Variants in CCNL2 observed in about 807,000 individuals in gnomAD.
CCNL2 encodes cyclin-L2.
CCNL2 carries 28 observed loss-of-function variants against 59.1 expected under a neutral mutation model. That is an observed-to-expected ratio of 0.47 (90% CI 0.35 to 0.65). CCNL2 has a LOEUF of 0.65. CCNL2 is among the 30% of genes least tolerant of loss of function. CCNL2 has a pLI of 0.00. For missense variants in CCNL2, 714 were observed against 717.4 expected (o/e 1.00, Z 0.05); for synonymous variants, 342 against 288.6 (o/e 1.19, Z -1.88).
At chr1:1,395,881 T>C (rs1198824664) in intron 3 of CCNL2, among the ~76,000 whole-genome samples, 1 of 152,020 alleles carries the variant, frequency 6.6e-6, no homozygotes, top group Non-Finnish European at 1.5e-5. Flanking sequence ...AAAGCACAAT[T>C]ATTTAAATAC....
Position 1,399,139 on chromosome 1 carries a change from G to C in CCNL2, c.168C>G (p.Asp56Glu), listed in dbSNP as rs114112990. ...LITLENCLLP[D>E]DKLRFTPSMS... ...TGGACGGCGTGAAACGGAGCTTGTCGTCAGGCAGGAGGCAGTTCTCCAAGG... is the reference window on the plus strand; with the variant it reads ...TGGACGGCGTGAAACGGAGCTTGTCCTCAGGCAGGAGGCAGTTCTCCAAGG... Residue 56 changes from aspartate (D) to glutamate (E), a missense_variant, in exon 1 of 11, where the codon GAC becomes GAG. Coordinates refer to ENST00000400809, the MANE Select transcript of CCNL2 (RefSeq NM_030937.6). 23,440 of 1,612,334 alleles carry C rather than the reference G, an allele frequency of 0.015. 221 individuals carry two copies. Among genetic ancestry groups the C allele is most frequent in the Non-Finnish European group, 0.016 (18,923 of 1,179,542 alleles).
rs1449466058 is a variant in CCNL2 at position 1,399,241 on chromosome 1, G to C, written c.66C>G (p.Ala22=). 2 of 1,590,336 alleles carry C rather than the reference G, an allele frequency of 1.3e-6. No individual in the cohort carries two copies. Among genetic ancestry groups the C allele is most frequent in the Admixed American group, 3.4e-5 (2 of 58,222 alleles). ...CTGAGGGTGCGCCCCCAGATCCCGG[G>C]GCGCCGGCCGCTGCCGCGGGAGCTG... ...GSAAPAAAAG[A]PGSGGAPSGS... The change falls in exon 1 of 11, where the codon GCC becomes GCG. Residue 22 remains alanine (A), a synonymous_variant. Coordinates refer to ENST00000400809, the MANE Select transcript of CCNL2 (RefSeq NM_030937.6).
chr1:1,392,641 C>A lies in CCNL2; in HGVS notation c.659+755G>T, dbSNP rs369862332. The stretch of plus-strand genomic sequence containing the variant: ...ACAAGAAGCACAATCGTCAGAGAAC[C>A]ACAGCAGGAGTCGGCCATGGCTATG... On this transcript the variant is annotated intron_variant, in intron 5 of 10. Coordinates refer to ENST00000400809, the MANE Select transcript of CCNL2 (RefSeq NM_030937.6). 5 of 1,475,402 alleles carry A rather than the reference C, an allele frequency of 3.4e-6. No individual in the cohort carries two copies. The South Asian group carries it at 4.1e-5, about 12-fold the overall frequency. 91.4% of individuals were successfully genotyped at this position (1,475,402 alleles called of 1,614,324 possible).
chr1:1,397,926 G>A (rs1034672233), intron 3 of CCNL2, among the ~76,000 whole-genome samples: 8 of 152,300 alleles, frequency 5.3e-5, no homozygotes, highest in South Asian at 2.1e-4. Context: ...CCCTGCTCCA[G>A]AGCACTCAGA....
At chr1:1,388,147 C>G (rs1644561195) in intron 8 of CCNL2, 82 bp from the exon 9 acceptor site, 1 of 1,119,504 alleles carries the variant, frequency 8.9e-7, no homozygotes. Context: ...AGATAAGGCC[C>G]CTCTACAGGT....
chr1:1,398,677 G>A lies in CCNL2; in HGVS notation c.289-6C>T, dbSNP rs1570033009. 6 of 1,458,906 alleles carry A rather than the reference G, an allele frequency of 4.1e-6. No homozygotes were observed. The highest frequency in any genetic ancestry group is 5.5e-6 in the Non-Finnish European group (6 of 1,083,942). 90.4% of individuals were successfully genotyped at this position (1,458,906 alleles called of 1,614,324 possible). A position where few individuals can be genotyped will look rare whatever the true frequency, so the allele number is the denominator to read the frequency against. On this transcript the variant is annotated splice_region_variant and splice_polypyrimidine_tract_variant and intron_variant, in intron 1 of 10. Transcript: ENST00000400809. Reference sequence around the variant, plus strand: ...TGCCCGGTAGCCATGGCCACCTAGAGTAGAAGAAAGTTTCCGTATTTTCAA... The same window carrying A: ...TGCCCGGTAGCCATGGCCACCTAGAATAGAAGAAAGTTTCCGTATTTTCAA...
chr1:1,398,683 G>GA lies in CCNL2; in HGVS notation c.289-13dup. 6.2e-7 allele frequency: 1 copy of GA among 1,609,300 alleles called. No individual in the cohort carries two copies. The highest frequency in any genetic ancestry group is 8.5e-7 in the Non-Finnish European group (1 of 1,176,058). On this transcript the variant is annotated splice_polypyrimidine_tract_variant and intron_variant, in intron 1 of 10. Coordinates refer to ENST00000400809, the MANE Select transcript of CCNL2 (RefSeq NM_030937.6). The stretch of plus-strand genomic sequence containing the variant: ...GTAGCCATGGCCACCTAGAGTAGAA[G>GA]AAAGTTTCCGTATTTTCAAACGCAC...
At position 1,386,948 on chromosome 1, in the gene CCNL2, T is replaced by G; in HGVS notation, c.*283A>C. On this transcript the variant is annotated 3_prime_UTR_variant, in exon 11 of 11. Coordinates refer to ENST00000400809, the MANE Select transcript of CCNL2 (RefSeq NM_030937.6). ...CAACAAGGGCGTGTGCATTCACTTT[T>G]TCATTGAGCTGCCCTCAGAGCTGCT... is the stretch of plus-strand genomic sequence containing the variant. 2.7e-6 allele frequency: 1 copy of G among 376,986 alleles called. No individual in the cohort carries two copies. The highest frequency in any genetic ancestry group is 4.8e-6 in the Non-Finnish European group (1 of 209,918). 23.4% of individuals were successfully genotyped at this position (376,986 alleles called of 1,614,324 possible). A position where few individuals can be genotyped will look rare whatever the true frequency, so the allele number is the denominator to read the frequency against.
chr1:1,397,396 G>A (rs978997778), intron 3 of CCNL2, among the ~76,000 whole-genome samples: 3 of 152,186 alleles, frequency 2.0e-5, no homozygotes, highest in East Asian at 3.8e-4. Flanking sequence ...CTGGCCTCAA[G>A]CAAACCTCCT....
intron 4 of CCNL2, 57 bp downstream of exon 4, chr1:1,395,337 C>T (rs541685054): frequency 2.7e-4 from 431 of 1,593,674 alleles, no homozygotes; most frequent in Non-Finnish European, 3.5e-4. Context: ...TGGAGAGAGG[C>T]GGCCAGGCAG....
chr1:1,393,429 C>A lies in CCNL2; in HGVS notation c.626G>T (p.Cys209Phe). The change falls in exon 5 of 11, where the codon TGT becomes TTT. Residue 209 changes from cysteine to phenylalanine, a missense_variant. Cys to Phe is a radical substitution (Grantham distance 205). Around this residue, in one of 5 missense-constraint regions of CCNL2, gnomAD observed 19 missense variants for 20.1 expected, o/e 0.94. Coordinates refer to ENST00000400809, the MANE Select transcript of CCNL2 (RefSeq NM_030937.6). ...CTGGACCAGGTGTTGGTTACGCTCA[C>A]ACTCTAACACCTGAAGGTACATAAC... The part of the protein sequence containing the change: ...IIVMYLQVLE[C>F]ERNQHLVQTS... 1 of 1,614,174 alleles carries A rather than the reference C, an allele frequency of 6.2e-7. No homozygotes were observed. The highest frequency in any genetic ancestry group is 8.5e-7 in the Non-Finnish European group (1 of 1,180,004).
At chr1:1,394,115 A>C (rs1027978522) in intron 4 of CCNL2, among the ~76,000 whole-genome samples, 2 of 149,974 alleles carry the variant, frequency 1.3e-5, no homozygotes, top group African/African-American at 4.9e-5. Flanking sequence ...ACAGAGCGAG[A>C]TTCCGTCTCC....
chr1:1,398,827 C>T, intron 1 of CCNL2, 156 bp from the exon 2 acceptor site: 1 of 1,283,970 alleles, frequency 7.8e-7, no homozygotes, highest in South Asian at 1.4e-5. Flanking sequence ...TCTCGGGATC[C>T]AGCGCACTGG....
chr1:1,393,555 C>T, intron 4 of CCNL2, 95 bp from the exon 5 acceptor site: 2 of 1,116,974 alleles, frequency 1.8e-6, no homozygotes, highest in Non-Finnish European at 1.4e-6. Context: ...GAGCCTCAAG[C>T]TAGATCCCAG....
intron 4 of CCNL2, chr1:1,395,042 G>C (rs948244896): frequency 5.2e-6 from 1 of 192,508 alleles, no homozygotes; most frequent in Admixed American, 5.6e-5. Context: ...CCAGCCTGGC[G>C]ATAGAGCGAA....
chr1:1,396,108 G>A (rs550140142), intron 3 of CCNL2, among the ~76,000 whole-genome samples: 18 of 150,820 alleles, frequency 1.2e-4, no homozygotes, highest in Middle Eastern at 3.4e-3. Flanking sequence ...GAACCCAGGA[G>A]GCGGAGGTTT....
At chr1:1,395,828 T>C (rs903111980) in intron 3 of CCNL2, among the ~76,000 whole-genome samples, 6 of 152,094 alleles carry the variant, frequency 3.9e-5, no homozygotes, top group African/African-American at 1.4e-4. Context: ...TGACTCACGA[T>C]AGGAAGGTAC....
In CCNL2 at chr1:1,387,479, T is replaced by C. The variant is rs1277026680; in HGVS notation, c.1315A>G (p.Lys439Glu). ...PRQAPRSAPY[K>E]GSEIRGSRKS... Reference sequence around the variant, plus strand: ...CGGGAGCCCCGAATCTCAGAGCCTTTGTAGGGAGCGCTGCGGGGGGCCTGT... The same window carrying C: ...CGGGAGCCCCGAATCTCAGAGCCTTCGTAGGGAGCGCTGCGGGGGGCCTGT... Residue 439 changes from lysine (K) to glutamate (E), a missense_variant, in exon 11 of 11, where the codon AAA becomes GAA. By Grantham distance (56) the Lys-to-Glu change is moderately conservative (BLOSUM62 1). Coordinates refer to ENST00000400809, the MANE Select transcript of CCNL2 (RefSeq NM_030937.6). The C allele has an allele frequency of 6.2e-7, 1 of 1,608,980 alleles. No homozygotes were observed. The highest frequency in any genetic ancestry group is 8.5e-7 in the Non-Finnish European group (1 of 1,177,816).
In CCNL2 at chr1:1,399,294, C is replaced by A. The variant is rs1645242234; in HGVS notation, c.13G>T (p.Ala5Ser). The A allele has an allele frequency of 1.4e-6, 2 of 1,452,622 alleles. No individual in the cohort carries two copies. The highest frequency in any genetic ancestry group is 1.8e-6 in the Non-Finnish European group (2 of 1,110,200). The allele number at this position is 1,452,622 out of a possible 1,614,324, so 90.0% of individuals were successfully genotyped here. A position where few individuals can be genotyped will look rare whatever the true frequency, so the allele number is the denominator to read the frequency against. The change falls in exon 1 of 11, where the codon GCG (alanine) becomes TCG (serine). Residue 5 changes from alanine (A) to serine (S), a missense_variant. Physicochemically the swap from Ala to Ser is moderately conservative, Grantham distance 99. This residue lies in a region of CCNL2 where 270 missense variants were observed against 254.9 expected (regional missense o/e 1.06). Coordinates refer to ENST00000400809, the MANE Select transcript of CCNL2 (RefSeq NM_030937.6). ...GACCCTGCAGCACCAGCCGCCGCCG[C>A]CGCCGCCGCCATTTTGTGCCGCCGA... MAAA[A>S]AAAGAAGSAA...
Sources: gnomAD v4.1 joint callset for allele counts (sites outside exome capture counted in the v4.1 genomes callset) on GRCh38, gnomAD v4.1.1 for gene constraint, gnomAD v4.1.1 regional missense constraint, MANE v1.5 for transcripts, NCBI Gene and HGNC (gene_info 2026-07-23, HGNC 2026-07-21) for gene names.